Variants in EXOC6B observed in about 807,000 individuals in gnomAD.
EXOC6B encodes exocyst complex component 6B, also known as SEC15 homolog B.
Under a neutral mutation model 113.5 loss-of-function variants are expected in EXOC6B, and 54 were observed. That is an observed-to-expected ratio of 0.48 (90% CI 0.38 to 0.60). The LOEUF (loss-of-function observed/expected upper bound fraction) is 0.60. EXOC6B is among the 20% of genes least tolerant of loss of function. The pLI is 0.00. For missense variants in EXOC6B, 797 were observed against 977.5 expected (o/e 0.82, Z 2.46); for synonymous variants, 357 against 339.0 (o/e 1.05, Z -0.58).
At chr2:72,405,195 G>T (rs1274988406) in intron 18 of EXOC6B, among the ~76,000 whole-genome samples, 3 of 152,190 alleles carry the variant, frequency 2.0e-5, no homozygotes, top group African/African-American at 7.2e-5. Flanking sequence ...AGAAATATGG[G>T]ACTATGTGGA....
chr2:72,254,962 A>T (rs1182030391), intron 20 of EXOC6B, among the ~76,000 whole-genome samples: 1 of 152,202 alleles, frequency 6.6e-6, no homozygotes, highest in Non-Finnish European at 1.5e-5. Flanking sequence ...AGAAACCAAC[A>T]CTTAATGATT....
intron 18 of EXOC6B, among the ~76,000 whole-genome samples, chr2:72,409,982 C>T (rs1694060632): frequency 1.3e-5 from 2 of 152,108 alleles, no homozygotes; most frequent in African/African-American, 4.8e-5. Context: ...CGTCGTTCCC[C>T]CACAGAGGAA....
chr2:72,695,486 T>C (rs1270159540), intron 6 of EXOC6B, among the ~76,000 whole-genome samples: 1 of 152,176 alleles, frequency 6.6e-6, no homozygotes, highest in East Asian at 1.9e-4. Flanking sequence ...AGGTTTTTTT[T>C]TGAACAGAGA....
At chr2:72,743,849 AC>A (rs950528896) in intron 1 of EXOC6B, among the ~76,000 whole-genome samples, 5 of 151,732 alleles carry the variant, frequency 3.3e-5, no homozygotes, top group African/African-American at 4.8e-5. Flanking sequence ...CAGAAACCAC[AC>A]CCCCCACAGG....
chr2:72,766,972 A>AC (rs1375014336), intron 1 of EXOC6B, among the ~76,000 whole-genome samples: 1 of 150,788 alleles, frequency 6.6e-6, no homozygotes, highest in Non-Finnish European at 1.5e-5. Context: ...AAAAAAAAAA[A>AC]GGAAAAAAAA....
chr2:72,360,474 A>C (rs913073949), intron 19 of EXOC6B, among the ~76,000 whole-genome samples: 2 of 149,286 alleles, frequency 1.3e-5, no homozygotes, highest in African/African-American at 5.0e-5. Flanking sequence ...GCTTATAATT[A>C]AGGTATTATC....
chr2:72,740,102 T>C (rs1681206443), intron 2 of EXOC6B, among the ~76,000 whole-genome samples: 1 of 152,200 alleles, frequency 6.6e-6, no homozygotes, highest in South Asian at 2.1e-4. Flanking sequence ...ATTTAGGTCA[T>C]GAAACTATCT....
chr2:72,620,247 C>G (rs919206982), intron 6 of EXOC6B, among the ~76,000 whole-genome samples: 1 of 152,266 alleles, frequency 6.6e-6, no homozygotes, highest in East Asian at 1.9e-4. Context: ...TCCAGCCCAG[C>G]TGGAACCCGA....
chr2:72,592,218 T>C (rs1233498936), intron 6 of EXOC6B, among the ~76,000 whole-genome samples: 1 of 152,078 alleles, frequency 6.6e-6, no homozygotes, highest in Non-Finnish European at 1.5e-5. Flanking sequence ...GAAAGGAAAG[T>C]GGGGAAGAGA....
At chr2:72,605,368 T>C (rs1573473614) in intron 6 of EXOC6B, among the ~76,000 whole-genome samples, 1 of 151,904 alleles carries the variant, frequency 6.6e-6, no homozygotes, top group Middle Eastern at 3.4e-3. Flanking sequence ...AGAACGTATG[T>C]CACTTAAACA....
At chr2:72,317,005 A>G (rs1240928162) in intron 20 of EXOC6B, among the ~76,000 whole-genome samples, 1 of 152,164 alleles carries the variant, frequency 6.6e-6, no homozygotes, top group Non-Finnish European at 1.5e-5. Context: ...TAGTCTAGGG[A>G]AAGCTTACAT....
intron 11 of EXOC6B, among the ~76,000 whole-genome samples, chr2:72,504,199 T>C (rs1700482431): frequency 6.6e-6 from 1 of 152,182 alleles, no homozygotes; most frequent in East Asian, 1.9e-4. Context: ...TGAGCCACCA[T>C]GGCTGGCCTT....
chr2:72,300,107 T>G (rs1432339430), intron 20 of EXOC6B, among the ~76,000 whole-genome samples: 1 of 152,144 alleles, frequency 6.6e-6, no homozygotes, highest in Non-Finnish European at 1.5e-5. Flanking sequence ...TTAAGTCTGC[T>G]GAAGCTGTGC....
In EXOC6B at chr2:72,675,850, A is replaced by C. The variant is rs1676260677; in HGVS notation, c.669+42253T>G. On this transcript the variant is annotated intron_variant, in intron 6 of 21. Coordinates refer to ENST00000272427, the MANE Select transcript of EXOC6B (RefSeq NM_015189.3). ...GGGGGGCGGACAATGTACAAAACAC[A>C]AAGTTTTCTATTTATCCTTTATCTT... Among the ~76,000 whole-genome samples the C allele has an allele frequency of 3.3e-5, 5 of 152,060 alleles. No individual in the cohort carries two copies. The South Asian group carries it at 8.3e-4, about 25-fold the overall frequency.
In EXOC6B at chr2:72,804,369, G is replaced by A. The variant is rs142315980; in HGVS notation, c.113+21429C>T. ...GGTCTAATGCAGCTCTTCCTAGAGC[G>A]CATAGGAAAATGACGGATCTGCTTA... On this transcript the variant is annotated intron_variant, in intron 1 of 21. Transcript: ENST00000272427. Among the ~76,000 whole-genome samples the A allele has an allele frequency of 1.1e-4, 17 of 152,240 alleles. 1 individual carries two copies. Among genetic ancestry groups the A allele is most frequent in the African/African-American group, 3.4e-4 (14 of 41,534 alleles).
At chr2:72,443,239 C>T (rs1336416438) in intron 18 of EXOC6B, among the ~76,000 whole-genome samples, 1 of 150,462 alleles carries the variant, frequency 6.6e-6, no homozygotes, top group Non-Finnish European at 1.5e-5. Context: ...AGAAGAATCA[C>T]TTGAATCTGG....
intron 1 of EXOC6B, among the ~76,000 whole-genome samples, chr2:72,763,792 T>C (rs1282114275): frequency 6.6e-6 from 1 of 152,040 alleles, no homozygotes; most frequent in Non-Finnish European, 1.5e-5. Flanking sequence ...TCAAATAATA[T>C]AATATTGGAT....
Position 72,644,663 on chromosome 2 carries a change from C to A in EXOC6B, c.670-68995G>T, listed in dbSNP as rs533553289. ...ATTCTTAAAGAAAATAATTTTCAAC[C>A]CAGAATTTCATATTCAGCTAAACTA... On this transcript the variant is annotated intron_variant, in intron 6 of 21. Transcript: ENST00000272427. 1.4e-4 allele frequency among the ~76,000 whole-genome samples: 21 copies of A among 152,192 alleles called. No individual in the cohort carries two copies. The South Asian group carries it at 3.7e-3, about 27-fold the overall frequency.
rs185518198 is a variant in EXOC6B at position 72,451,784 on chromosome 2, G to A, written c.1980+13376C>T. ...GCTAAAGACCAAGAAGCCTGCAACGGCTAATTCAAAGACAGGGAGGTCCCG... is the reference window on the plus strand; with the variant it reads ...GCTAAAGACCAAGAAGCCTGCAACGACTAATTCAAAGACAGGGAGGTCCCG... On this transcript the variant is annotated intron_variant, in intron 18 of 21. Coordinates refer to ENST00000272427, the MANE Select transcript of EXOC6B (RefSeq NM_015189.3). Among the ~76,000 whole-genome samples the A allele has an allele frequency of 4.1e-4, 62 of 152,022 alleles. 2 individuals are homozygous for A. The highest frequency in any genetic ancestry group is 3.6e-3 in the Admixed American group (55 of 15,252).
Sources: gnomAD v4.1 joint callset for allele counts (sites outside exome capture counted in the v4.1 genomes callset) on GRCh38, gnomAD v4.1.1 for gene constraint, MANE v1.5 for transcripts, NCBI Gene and HGNC (gene_info 2026-07-23, HGNC 2026-07-21) for gene names.